Variants in RAE1 observed in about 807,000 individuals in gnomAD.
The protein encoded by RAE1 is mRNA export factor RAE1.
A neutral mutation model predicts 52.7 loss-of-function variants in RAE1; 13 were observed. The ratio of observed to expected loss-of-function variants is 0.25; its 90% CI spans 0.16 to 0.39. The LOEUF is 0.39. RAE1 is among the 10% of genes least tolerant of loss of function. The probability of loss-of-function intolerance (pLI) is 1.00; values close to 1 mark genes in which losing one functional copy is unlikely to be tolerated. For synonymous variants in RAE1, 164 were observed against 153.1 expected, an observed-to-expected ratio of 1.07 and a Z score of -0.52; for missense variants, 262 against 459.8, an observed-to-expected ratio of 0.57 and a Z score of 3.93.
intron 4 of RAE1, among the ~76,000 whole-genome samples, chr20:57,363,502 C>G (rs540373553): frequency 3.2e-4 from 49 of 151,952 alleles, no homozygotes; most frequent in Non-Finnish European, 6.5e-4. Flanking sequence ...ACAACCCTGT[C>G]TCAAAAAATA....
chr20:57,351,701 C>T (rs922467663), intron 1 of RAE1: 5 of 985,404 alleles, frequency 5.1e-6, no homozygotes, highest in African/African-American at 1.7e-5. Flanking sequence ...CTCCCCCTTA[C>T]ACGTCTGGCG....
intron 1 of RAE1, chr20:57,351,882 C>G (rs1022261780): frequency 4.1e-6 from 4 of 985,386 alleles, no homozygotes; most frequent in Non-Finnish European, 4.8e-6. Context: ...TTATTGTATA[C>G]GTATATAGGT....
rs2066747496 is a variant in RAE1 at position 57,353,942 on chromosome 20, T to A, written c.-7-90T>A. 9 of 1,157,780 alleles carry A rather than the reference T, an allele frequency of 7.8e-6. No homozygotes were observed. In the Admixed American group the frequency reaches 1.8e-4, roughly 23 times the overall value. 71.7% of individuals were successfully genotyped at this position (1,157,780 alleles called of 1,614,324 possible). A position where few individuals can be genotyped will look rare whatever the true frequency, so the allele number is the denominator to read the frequency against. On this transcript the variant is annotated intron_variant, in intron 1 of 11. Transcript: ENST00000395841. The stretch of plus-strand genomic sequence containing the variant: ...AAGCCTGGCCTCAAGCCACTTTGAG[T>A]ATTTCTCTTCTGCCAGTTAATTATC...
rs183007021 is a variant in RAE1 at position 57,370,242 on chromosome 20, C to T, written c.642+1430C>T. Reference sequence around the variant, plus strand: ...ATTGTTCCACCAGAACTGTTTTTGGCGTGACTACCAGTGGCATCCTCATTG... The same window carrying T: ...ATTGTTCCACCAGAACTGTTTTTGGTGTGACTACCAGTGGCATCCTCATTG... On this transcript the variant is annotated intron_variant, in intron 8 of 11. Coordinates refer to ENST00000395841, the MANE Select transcript of RAE1 (RefSeq NM_003610.4). Among the ~76,000 whole-genome samples the T allele has an allele frequency of 2.2e-3, 328 of 152,286 alleles. 5 individuals are homozygous for T. The highest frequency in any genetic ancestry group is 0.016 in the Admixed American group (245 of 15,304).
At chr20:57,354,341 A>G (rs2066753914) in intron 2 of RAE1, among the ~76,000 whole-genome samples, 1 of 152,232 alleles carries the variant, frequency 6.6e-6, no homozygotes, top group African/African-American at 2.4e-5. Context: ...GAATCACCCA[A>G]GGTGCAGATT....
intron 8 of RAE1, among the ~76,000 whole-genome samples, chr20:57,370,535 C>G (rs139922961): frequency 6.6e-6 from 1 of 152,214 alleles, no homozygotes; most frequent in Non-Finnish European, 1.5e-5. Context: ...TACCTCATTC[C>G]TGTGCTCCTG....
At chr20:57,369,592 A>G (rs1029754670) in intron 8 of RAE1, among the ~76,000 whole-genome samples, 2 of 152,152 alleles carry the variant, frequency 1.3e-5, no homozygotes, top group Non-Finnish European at 2.9e-5. Flanking sequence ...GGGGCAAAAT[A>G]TTTTGGTTTC....
At chr20:57,355,607 A>AT (rs762513493) in intron 3 of RAE1, among the ~76,000 whole-genome samples, 12 of 152,226 alleles carry the variant, frequency 7.9e-5, no homozygotes, top group Non-Finnish European at 5.9e-5. Flanking sequence ...CATTATCTAA[A>AT]TTAACCTTTA....
chr20:57,353,584 T>G (rs915117180), intron 1 of RAE1, among the ~76,000 whole-genome samples: 3 of 152,348 alleles, frequency 2.0e-5, no homozygotes, highest in Admixed American at 1.3e-4. Flanking sequence ...TAGAAATTAG[T>G]AGGAAAGTGA....
chr20:57,365,288 T>C, intron 4 of RAE1, 68 bp from the exon 5 acceptor site: 2 of 1,169,422 alleles, frequency 1.7e-6, no homozygotes, highest in Non-Finnish European at 2.4e-6. Context: ...CAACGTAGTA[T>C]CTAAATATAT....
intron 11 of RAE1, 165 bp downstream of exon 11, chr20:57,374,966 GT>G (rs1480154922): frequency 7.6e-6 from 6 of 793,308 alleles, no homozygotes; most frequent in Non-Finnish European, 1.3e-5. Context: ...TCCTCAAATG[GT>G]TGTGGGGATT....
chr20:57,351,618 G>T, intron 1 of RAE1, 196 bp downstream of exon 1: 1 of 985,562 alleles, frequency 1.0e-6, no homozygotes. Context: ...CTAATCCATC[G>T]TTTCTCTTGT....
At chr20:57,361,337 G>A (rs538949288) in intron 4 of RAE1, among the ~76,000 whole-genome samples, 21 of 152,260 alleles carry the variant, frequency 1.4e-4, no homozygotes, top group Admixed American at 1.4e-3. Flanking sequence ...TGGGTAGGAG[G>A]AGCCTTAAGA....
chr20:57,366,757 G>A, intron 5 of RAE1, 50 bp from the exon 6 acceptor site: 1 of 1,508,392 alleles, frequency 6.6e-7, no homozygotes, highest in Non-Finnish European at 9.2e-7. Context: ...AAGCTGTTCA[G>A]CACATTCTTA....
intron 8 of RAE1, among the ~76,000 whole-genome samples, chr20:57,370,908 C>G (rs1336147400): frequency 6.6e-6 from 1 of 152,204 alleles, no homozygotes; most frequent in African/African-American, 2.4e-5. Context: ...CGGCCACCAC[C>G]AGCCTGTTGC....
rs1468524459 is a variant in RAE1, at chr20:57,365,421, C to G, written c.354C>G (p.Asn118Lys). The G allele has an allele frequency of 6.2e-7, 1 of 1,608,444 alleles. No individual in the cohort carries two copies. Among genetic ancestry groups the G allele is most frequent in the Non-Finnish European group, 8.5e-7 (1 of 1,176,378 alleles). Residue 118 changes from asparagine (N) to lysine (K), a missense_variant, in exon 5 of 12, where the codon AAC becomes AAG. Asn to Lys is a moderately conservative substitution (Grantham distance 94). Coordinates refer to ENST00000395841, the MANE Select transcript of RAE1 (RefSeq NM_003610.4). ...KTAKMWDLSS[N>K]QAIQIAQHDA... is the part of the protein sequence containing the mutation. The stretch of plus-strand genomic sequence containing the variant: ...CCAAAATGTGGGACCTCAGCAGTAA[C>G]CAAGCGATACAGATCGCACAGGTAA...
In RAE1 at chr20:57,368,740, G is replaced by A; in HGVS notation, c.570G>A (p.Arg190=). 6.2e-7 allele frequency: 1 copy of A among 1,613,778 alleles called. No homozygotes were observed. The highest frequency in any genetic ancestry group is 8.5e-7 in the Non-Finnish European group (1 of 1,179,912). ...YPMAVVATAE[R]GLIVYQLENQ... is the part of the protein sequence containing the mutation. Reference sequence around the variant, plus strand: ...TGGCTGTGGTGGCAACTGCAGAGAGGGGCCTGATTGTCTATCAGCTAGAGA... The same window carrying A: ...TGGCTGTGGTGGCAACTGCAGAGAGAGGCCTGATTGTCTATCAGCTAGAGA... Residue 190 remains arginine (R), a synonymous_variant, in exon 8 of 12, where the codon AGG becomes AGA. Coordinates refer to ENST00000395841, the MANE Select transcript of RAE1 (RefSeq NM_003610.4).
intron 8 of RAE1, chr20:57,372,616 A>T (rs1412558194): frequency 6.6e-6 from 1 of 152,228 alleles, no homozygotes; most frequent in Non-Finnish European, 1.5e-5. Flanking sequence ...TTAAAAAGGC[A>T]GGGGAGCAAA....
At chr20:57,370,065 T>C (rs1220128766) in intron 8 of RAE1, among the ~76,000 whole-genome samples, 1 of 152,188 alleles carries the variant, frequency 6.6e-6, no homozygotes, top group Non-Finnish European at 1.5e-5. Flanking sequence ...TCAAGTCTAG[T>C]TGATCCTAGA....
Sources: gnomAD v4.1 joint callset for allele counts (sites outside exome capture counted in the v4.1 genomes callset) on GRCh38, gnomAD v4.1.1 for gene constraint, MANE v1.5 for transcripts, NCBI Gene and HGNC (gene_info 2026-07-23, HGNC 2026-07-21) for gene names.